Variants in PRMT3 observed in about 807,000 individuals in gnomAD.
PRMT3 encodes protein arginine N-methyltransferase 3.
PRMT3 carries 62 observed loss-of-function variants against 71.9 expected under a neutral mutation model. The observed-to-expected ratio is 0.86, with a 90% CI of 0.70 to 1.07. The LOEUF (loss-of-function observed/expected upper bound fraction) is 1.07, where lower values mean the gene tolerates loss of function less well. Ranked by LOEUF, PRMT3 falls within the 50% of genes least tolerant of loss-of-function variation. The probability of loss-of-function intolerance (pLI) is 0.00; values close to 1 mark genes in which losing one functional copy is unlikely to be tolerated. For missense variants in PRMT3, 663 were observed against 643.0 expected, an observed-to-expected ratio of 1.03 and a Z score of -0.34; for synonymous variants, 213 against 220.4, an observed-to-expected ratio of 0.97 and a Z score of 0.30.
intron 12 of PRMT3, among the ~76,000 whole-genome samples, chr11:20,463,662 T>G (rs895614010): frequency 8.5e-5 from 13 of 152,164 alleles, no homozygotes; most frequent in Non-Finnish European, 1.9e-4. Flanking sequence ...TTAAAATGTT[T>G]TCTCAAATTG....
rs768771887 is a variant in PRMT3 at position 20,404,220 on chromosome 11, T to TGTTTTGTTTTGTTTTGTTTTGTTTTG, written c.771+1236_771+1237insGTTTTGTTTTGTTTTGTTTTGTTTTG. Among the ~76,000 whole-genome samples the TGTTTTGTTTTGTTTTGTTTTGTTTTG allele has an allele frequency of 1.5e-4, 3 of 20,098 alleles. 1 individual carries two copies. Among genetic ancestry groups the TGTTTTGTTTTGTTTTGTTTTGTTTTG allele is most frequent in the Admixed American group, 1.1e-3 (3 of 2,760 alleles). 13.2% of individuals were successfully genotyped at this position (20,098 alleles called of 152,430 possible). The stretch of plus-strand genomic sequence containing the variant: ...GTGGAGACTTTTCATAGTTTTTTTT[T>TGTTTTGTTTTGTTTTGTTTTGTTTTG]TTTTTTTTTTTTTTTTTTTTTTTTT... On this transcript the variant is annotated intron_variant, in intron 8 of 15. Coordinates refer to ENST00000331079, the MANE Select transcript of PRMT3 (RefSeq NM_005788.4).
chr11:20,460,119 A>G (rs566929941), intron 11 of PRMT3, among the ~76,000 whole-genome samples: 2 of 152,274 alleles, frequency 1.3e-5, no homozygotes, highest in African/African-American at 4.8e-5. Flanking sequence ...CTTTATTTGG[A>G]GAATAATTTA....
intron 10 of PRMT3, among the ~76,000 whole-genome samples, chr11:20,432,755 C>T (rs1390310799): frequency 1.3e-5 from 2 of 152,230 alleles, no homozygotes; most frequent in South Asian, 2.1e-4. Flanking sequence ...TTCTAACTGG[C>T]ATGAAATAAT....
chr11:20,405,224 A>T (rs1398066288), intron 8 of PRMT3, among the ~76,000 whole-genome samples: 2 of 151,994 alleles, frequency 1.3e-5, no homozygotes, highest in African/African-American at 4.8e-5. Context: ...GTTGTCACCC[A>T]CTCATAATTA....
intron 15 of PRMT3, among the ~76,000 whole-genome samples, chr11:20,504,628 A>T (rs539708780): frequency 6.7e-6 from 1 of 149,994 alleles, no homozygotes; most frequent in East Asian, 2.0e-4. Context: ...ACCATCTTTA[A>T]AGTTGTTTTG....
chr11:20,412,888 C>T (rs1211700690), intron 9 of PRMT3, among the ~76,000 whole-genome samples: 3 of 152,064 alleles, frequency 2.0e-5, no homozygotes, highest in Non-Finnish European at 4.4e-5. Flanking sequence ...GAGTTGGAGG[C>T]TGCTAGTGTG....
intron 10 of PRMT3, among the ~76,000 whole-genome samples, chr11:20,432,903 G>A (rs1165760508): frequency 3.9e-5 from 6 of 151,936 alleles, no homozygotes; most frequent in Non-Finnish European, 8.8e-5. Flanking sequence ...CAGATTATTT[G>A]GGTTTTTGCT....
chr11:20,486,521 A>G (rs1364890634), intron 13 of PRMT3, among the ~76,000 whole-genome samples: 4 of 152,174 alleles, frequency 2.6e-5, no homozygotes, highest in Non-Finnish European at 5.9e-5. Context: ...ACCCAGATGA[A>G]GAAACAAAAC....
rs1471798260 is a variant in PRMT3 at position 20,494,265 on chromosome 11, A to G, written c.1486+11A>G. 1.3e-6 allele frequency: 2 copies of G among 1,535,732 alleles called. No individual in the cohort carries two copies. The highest frequency in any genetic ancestry group is 2.2e-5 in the East Asian group (1 of 44,484). On this transcript the variant is annotated intron_variant, in intron 15 of 15. Transcript: ENST00000331079. ...TTTCAGTTAAAGCAGGTGAGAAAGA[A>G]TAGTAGGGGGGAAGTATCTTATTCA...
At chr11:20,507,886 C>A (rs1181557217) in intron 15 of PRMT3, among the ~76,000 whole-genome samples, 1 of 151,948 alleles carries the variant, frequency 6.6e-6, no homozygotes, top group Non-Finnish European at 1.5e-5. Context: ...GCGGGTGGAT[C>A]ACCTGAGGTC....
At chr11:20,410,639 T>C (rs1849174686) in intron 9 of PRMT3, among the ~76,000 whole-genome samples, 1 of 152,024 alleles carries the variant, frequency 6.6e-6, no homozygotes, top group African/African-American at 2.4e-5. Context: ...ATCCTAAATA[T>C]TTTTATTAGT....
intron 11 of PRMT3, among the ~76,000 whole-genome samples, chr11:20,459,792 C>G (rs889636129): frequency 1.3e-5 from 2 of 152,200 alleles, no homozygotes; most frequent in African/African-American, 4.8e-5. Flanking sequence ...TGTGGTTCAA[C>G]AAACTAAATA....
chr11:20,441,263 T>TTTTATTTA (rs3044625), intron 10 of PRMT3, among the ~76,000 whole-genome samples: 65 of 138,136 alleles, frequency 4.7e-4, no homozygotes, highest in South Asian at 1.7e-3. Context: ...GTTACTAACT[T>TTTTATTTA]TTTATTTATT....
At position 20,459,653 on chromosome 11, in the gene PRMT3, G is replaced by A. The variant is rs79635972; in HGVS notation, c.1073-2327G>A. 4.6e-5 allele frequency among the ~76,000 whole-genome samples: 7 copies of A among 152,264 alleles called. No homozygotes were observed. In the East Asian group the frequency reaches 5.8e-4, roughly 13 times the overall value. ...TTATGTTCCTCTTTAATGATGAAAC[G>A]ACAGGGCATAATGTGGGAAAGCTTC... On this transcript the variant is annotated intron_variant, in intron 11 of 15. Transcript: ENST00000331079.
At chr11:20,485,303 G>A (rs1431806752) in intron 13 of PRMT3, among the ~76,000 whole-genome samples, 1 of 152,012 alleles carries the variant, frequency 6.6e-6, no homozygotes, top group Non-Finnish European at 1.5e-5. Flanking sequence ...AAATATTAAT[G>A]TTCAAAACAT....
At chr11:20,402,886 T>C in intron 7 of PRMT3, 33 bp from the exon 8 acceptor site, 1 of 1,544,056 alleles carries the variant, frequency 6.5e-7, no homozygotes, top group Non-Finnish European at 9.0e-7. Context: ...TAGACTGTCC[T>C]ATAAACACAG....
At chr11:20,394,229 T>G (rs1848777111) in intron 5 of PRMT3, among the ~76,000 whole-genome samples, 2 of 152,230 alleles carry the variant, frequency 1.3e-5, no homozygotes, top group African/African-American at 4.8e-5. Flanking sequence ...GATCCGAAAG[T>G]TAGATCAGTA....
At chr11:20,481,278 CTG>C (rs1210176770) in intron 13 of PRMT3, among the ~76,000 whole-genome samples, 2 of 142,992 alleles carry the variant, frequency 1.4e-5, no homozygotes, top group African/African-American at 2.6e-5. Flanking sequence ...AAAAAAAAGT[CTG>C]AGAGAAATAA....
At chr11:20,506,058 C>A (rs1477062961) in intron 15 of PRMT3, among the ~76,000 whole-genome samples, 2 of 152,128 alleles carry the variant, frequency 1.3e-5, no homozygotes, top group African/African-American at 4.8e-5. Context: ...TGGCAGATGA[C>A]CTTGGGCAAA....
Sources: gnomAD v4.1 joint callset for allele counts (sites outside exome capture counted in the v4.1 genomes callset) on GRCh38, gnomAD v4.1.1 for gene constraint, MANE v1.5 for transcripts, NCBI Gene and HGNC (gene_info 2026-07-23, HGNC 2026-07-21) for gene names.